POLD3: variants seen among roughly 807,000 people sequenced by gnomAD.
The protein encoded by POLD3 is DNA polymerase delta 3, accessory subunit.
POLD3 carries 19 observed loss-of-function variants against 58.2 expected under a neutral mutation model. That is an observed-to-expected ratio of 0.33 (90% confidence interval 0.23 to 0.48). The LOEUF (loss-of-function observed/expected upper bound fraction) is 0.48, where lower values mean the gene tolerates loss of function less well. POLD3 is among the 20% of genes least tolerant of loss of function. The pLI, the probability that POLD3 is intolerant of heterozygous loss-of-function variation, is 0.99. For missense variants in POLD3, 504 were observed against 545.5 expected (o/e 0.92, Z 0.76); for synonymous variants, 172 against 193.5 (o/e 0.89, Z 0.92).
intron 7 of POLD3, among the ~76,000 whole-genome samples, chr11:74,623,901 T>C (rs2032345776): frequency 6.6e-6 from 1 of 152,190 alleles, no homozygotes; most frequent in Non-Finnish European, 1.5e-5. Context: ...TATGTTTAAG[T>C]TGGAGTTCTC....
intron 11 of POLD3, among the ~76,000 whole-genome samples, chr11:74,637,053 C>T (rs1339677642): frequency 6.6e-6 from 1 of 152,108 alleles, no homozygotes; most frequent in Admixed American, 6.5e-5. Context: ...TGGGTTTAGG[C>T]TCTTACCTTT....
chr11:74,658,834 G>A (rs1565135380), intron 4 of POLD3, among the ~76,000 whole-genome samples: 1 of 152,114 alleles, frequency 6.6e-6, no homozygotes, highest in African/African-American at 2.4e-5. Flanking sequence ...CTCTCTCCTG[G>A]CTGCTTTCAT....
chr11:74,641,499 A>G lies in POLD3; in HGVS notation c.*733A>G. ...GATGTGTTCAACTCCACCAGAAATTACCTCGAGTCAGCATTGACGATATTG... is the reference window on the plus strand; with the variant it reads ...GATGTGTTCAACTCCACCAGAAATTGCCTCGAGTCAGCATTGACGATATTG... On this transcript the variant is annotated 3_prime_UTR_variant, in exon 12 of 12. Transcript: ENST00000263681. 1.0e-6 allele frequency: 1 copy of G among 985,392 alleles called. No individual in the cohort carries two copies. The highest frequency in any genetic ancestry group is 4.7e-5 in the South Asian group (1 of 21,282). 61.0% of individuals were successfully genotyped at this position (985,392 alleles called of 1,614,324 possible). A position where few individuals can be genotyped will look rare whatever the true frequency, so the allele number is the denominator to read the frequency against.
chr11:74,639,174 C>G (rs181029082), intron 11 of POLD3, among the ~76,000 whole-genome samples: 70 of 152,326 alleles, frequency 4.6e-4, no homozygotes, highest in African/African-American at 1.5e-3. Context: ...AGCAAATTCT[C>G]AGGTCCCACC....
At chr11:74,650,209 G>A (rs2135192849) in intron 4 of POLD3, among the ~76,000 whole-genome samples, 1 of 152,166 alleles carries the variant, frequency 6.6e-6, no homozygotes, top group East Asian at 1.9e-4. Context: ...TAATTTTTTT[G>A]CCAACTAACC....
intron 7 of POLD3, among the ~76,000 whole-genome samples, chr11:74,623,350 G>C (rs758104740): frequency 6.6e-6 from 1 of 152,174 alleles, no homozygotes; most frequent in Non-Finnish European, 1.5e-5. Flanking sequence ...CAGGAGAATG[G>C]CGTGAACCCA....
Position 74,642,320 on chromosome 11 carries a change from T to G in POLD3, c.*1554T>G, listed in dbSNP as rs1341496229. ...TTGACATATTCCAAAACCCTTCTTT[T>G]TAAAAGGAAAAAGGATGGAGAGAAG... On this transcript the variant is annotated 3_prime_UTR_variant, in exon 12 of 12. Transcript: ENST00000263681. The G allele has an allele frequency of 1.0e-6, 1 of 985,292 alleles. No individual in the cohort carries two copies. The highest frequency in any genetic ancestry group is 1.7e-5 in the African/African-American group (1 of 57,226). The allele number at this position is 985,292 out of a possible 1,614,324, so 61.0% of individuals were successfully genotyped here. A position where few individuals can be genotyped will look rare whatever the true frequency, so the allele number is the denominator to read the frequency against.
intron 6 of POLD3, among the ~76,000 whole-genome samples, chr11:74,619,519 C>A (rs993473281): frequency 6.6e-6 from 1 of 152,098 alleles, no homozygotes; most frequent in Non-Finnish European, 1.5e-5. Flanking sequence ...TGTTTAAATC[C>A]TCTTATCAGT....
chr11:74,621,963 G>A (rs973689536), intron 7 of POLD3, among the ~76,000 whole-genome samples: 3 of 151,886 alleles, frequency 2.0e-5, no homozygotes, highest in Non-Finnish European at 4.4e-5. Flanking sequence ...CTGGTGTGCT[G>A]CACCCATTAA....
rs2032928053 is a variant in POLD3 at position 74,642,068 on chromosome 11, A to G, written c.*1302A>G. 2 of 985,480 alleles carry G rather than the reference A, an allele frequency of 2.0e-6. No individual in the cohort carries two copies. The highest frequency in any genetic ancestry group is 2.4e-6 in the Non-Finnish European group (2 of 829,942). The allele number at this position is 985,480 out of a possible 1,614,324, so 61.0% of individuals were successfully genotyped here. A position where few individuals can be genotyped will look rare whatever the true frequency, so the allele number is the denominator to read the frequency against. On this transcript the variant is annotated 3_prime_UTR_variant, in exon 12 of 12. Coordinates refer to ENST00000263681, the MANE Select transcript of POLD3 (RefSeq NM_006591.3). ...ACTGCTGATGTGTCTCACACGTAGC[A>G]GACAAGGGGTGTCTGACTGGCTTCT...
intron 11 of POLD3, among the ~76,000 whole-genome samples, chr11:74,636,964 G>A (rs1462073949): frequency 2.0e-5 from 3 of 152,300 alleles, no homozygotes; most frequent in Non-Finnish European, 4.4e-5. Flanking sequence ...GACTTCTGTG[G>A]AGCTTTTAAG....
chr11:74,617,031 A>T (rs563425061), intron 5 of POLD3, among the ~76,000 whole-genome samples: 1 of 152,330 alleles, frequency 6.6e-6, no homozygotes, highest in Non-Finnish European at 1.5e-5. Context: ...AAAAAGATAA[A>T]TAAGACTTCA....
Position 74,640,794 on chromosome 11 carries a change from T to TG in POLD3, c.*30dup. The TG allele has an allele frequency of 6.5e-7, 1 of 1,542,816 alleles. No individual in the cohort carries two copies. Among genetic ancestry groups the TG allele is most frequent in the South Asian group, 1.3e-5 (1 of 77,660 alleles). ...TGCCATCTCTGGTAGATCAGAGACT[T>TG]GGAGTGGTCAAGGGAGAAGACCAAG... On this transcript the variant is annotated 3_prime_UTR_variant, in exon 12 of 12. Coordinates refer to ENST00000263681, the MANE Select transcript of POLD3 (RefSeq NM_006591.3).
At chr11:74,643,920 G>A (rs2032967561), downstream of POLD3, among the ~76,000 whole-genome samples, 1 of 152,190 alleles carries the variant, frequency 6.6e-6, no homozygotes, top group Non-Finnish European at 1.5e-5. Flanking sequence ...GCTTAATTCT[G>A]GCAGTCAGCA....
At chr11:74,622,756 T>A (rs1165749888) in intron 7 of POLD3, among the ~76,000 whole-genome samples, 1 of 152,206 alleles carries the variant, frequency 6.6e-6, no homozygotes, top group African/African-American at 2.4e-5. Flanking sequence ...TGTAAAATGA[T>A]GTGTACTCAC....
intron 2 of POLD3, among the ~76,000 whole-genome samples, chr11:74,599,270 A>T (rs2031393910): frequency 1.3e-5 from 2 of 151,894 alleles, no homozygotes; most frequent in African/African-American, 4.8e-5. Context: ...GGACTCAAGC[A>T]GTCCTCCTGC....
chr11:74,625,730 G>A (rs1031563425), intron 8 of POLD3, among the ~76,000 whole-genome samples, 157 bp downstream of exon 8: 18 of 152,198 alleles, frequency 1.2e-4, no homozygotes, highest in Non-Finnish European at 2.5e-4. Context: ...GAGAAGCCCA[G>A]TAGCTTATCT....
rs545177414 is a variant in POLD3, at chr11:74,621,985, G to A, written c.733+1896G>A. On this transcript the variant is annotated intron_variant, in intron 7 of 11. Coordinates refer to ENST00000263681, the MANE Select transcript of POLD3 (RefSeq NM_006591.3). Reference sequence around the variant, plus strand: ...GCTGCACCCATTAACTCGTCATTTAGCACTAGGTATATCTCCTAAAGCTAT... The same window carrying A: ...GCTGCACCCATTAACTCGTCATTTAACACTAGGTATATCTCCTAAAGCTAT... Among the ~76,000 whole-genome samples, 33 of 151,818 alleles carry A rather than the reference G, an allele frequency of 2.2e-4. 1 individual carries two copies. The highest frequency in any genetic ancestry group is 2.0e-3 in the Admixed American group (31 of 15,254).
At chr11:74,603,252 GGGA>G (rs546998519) in intron 2 of POLD3, among the ~76,000 whole-genome samples, 3 of 152,304 alleles carry the variant, frequency 2.0e-5, no homozygotes, top group Admixed American at 2.0e-4. Context: ...AGGTGAGGTG[GGGA>G]GGAGAAGAGG....
Sources: allele counts gnomAD v4.1 joint callset (sites outside exome capture counted in the v4.1 genomes callset), GRCh38; gene constraint gnomAD v4.1.1; transcripts MANE v1.5; gene names NCBI Gene and HGNC (gene_info 2026-07-23, HGNC 2026-07-21).